S100A5: variants seen among roughly 807,000 people sequenced by gnomAD.
S100A5 encodes the protein S100 calcium binding protein A5.
Under a neutral mutation model 6.7 loss-of-function variants are expected in S100A5, and 5 were observed. The ratio of observed to expected loss-of-function variants is 0.75; its 90% CI spans 0.39 to 1.57. The LOEUF (loss-of-function observed/expected upper bound fraction) is 1.57. S100A5 is among the 40% of genes most tolerant of loss of function. The pLI is 0.03. For synonymous variants in S100A5, 49 were observed against 44.9 expected (o/e 1.09, Z -0.37); for missense variants, 129 against 110.8 (o/e 1.16, Z -0.74).
At chr1:153,537,539 C>G (rs1571231335) in intron 2 of S100A5, 103 bp from the exon 3 acceptor site, 1 of 1,407,388 alleles carries the variant, frequency 7.1e-7, no homozygotes, top group Non-Finnish European at 9.8e-7. Flanking sequence ...AGGGTGAGCC[C>G]CAGCTGAGTC....
At chr1:153,543,232 C>T (rs370897512), upstream of S100A5, 174 of 985,366 alleles carry the variant, frequency 1.8e-4, no homozygotes, top group Non-Finnish European at 2.0e-4. Context: ...CTTTTCCCTC[C>T]GACTTACTCC....
chr1:153,543,480 C>T (rs1665451706), upstream of S100A5: 2 of 400,878 alleles, frequency 5.0e-6, no homozygotes, highest in African/African-American at 2.0e-5. Flanking sequence ...CACTGTTAGT[C>T]ACCCTGCATC....
intron 2 of S100A5, among the ~76,000 whole-genome samples, chr1:153,537,932 A>G (rs1665238605): frequency 6.6e-6 from 1 of 152,124 alleles, no homozygotes; most frequent in Non-Finnish European, 1.5e-5. Flanking sequence ...CTGTAATCCC[A>G]GCTATTTGGA....
upstream of S100A5, among the ~76,000 whole-genome samples, chr1:153,543,059 A>G (rs139236337): frequency 6.6e-6 from 1 of 152,142 alleles, no homozygotes; most frequent in East Asian, 1.9e-4. Context: ...CCCTGATCCT[A>G]CCACGCACAG....
At chr1:153,541,677 T>C, upstream of S100A5, 1 of 1,139,634 alleles carries the variant, frequency 8.8e-7, no homozygotes, top group Non-Finnish European at 1.1e-6. Context: ...TGACCAAAAA[T>C]CAGAACTCAA....
At chr1:153,540,469 A>G (rs1665350545) in intron 1 of S100A5, among the ~76,000 whole-genome samples, 152 bp downstream of exon 1, 1 of 152,196 alleles carries the variant, frequency 6.6e-6, no homozygotes, top group Admixed American at 6.5e-5. Flanking sequence ...AGTAGGCCTG[A>G]GGCAGAAAGA....
chr1:153,538,340 A>G (rs1424318397), intron 2 of S100A5, among the ~76,000 whole-genome samples: 1 of 152,182 alleles, frequency 6.6e-6, no homozygotes, highest in Non-Finnish European at 1.5e-5. Flanking sequence ...GGAAGAAAAT[A>G]TAGACAAGCA....
upstream of S100A5, chr1:153,541,244 C>T (rs910007275): frequency 3.5e-6 from 2 of 566,936 alleles, no homozygotes; most frequent in Non-Finnish European, 6.3e-6. Flanking sequence ...ATTCCAAAGG[C>T]TCTGCCCTCT....
Position 153,537,341 on chromosome 1 carries a change from C to T in S100A5, c.234G>A (p.Met78Ile). The change falls in exon 3 of 3, where the codon ATG becomes ATA. Residue 78 changes from methionine (M) to isoleucine (I), a missense_variant. By Grantham distance (10) the Met-to-Ile change is conservative. Coordinates refer to ENST00000368717, the MANE Select transcript of S100A5 (RefSeq NM_001394232.1). ...AGAAGTCGTTGTAGGCCATGCACAG[C>T]ATGGTCAGGAACACCGAGTACTCCT... ...DFKEYSVFLT[M>I]LCMAYNDFFL... 6.2e-7 allele frequency: 1 copy of T among 1,614,170 alleles called. No individual in the cohort carries two copies. Among genetic ancestry groups the T allele is most frequent in the Non-Finnish European group, 8.5e-7 (1 of 1,180,028 alleles).
rs1326689779 is a variant in S100A5 at position 153,540,105 on chromosome 1, C to T, written c.87G>A (p.Leu29=). 8 of 1,614,048 alleles carry T rather than the reference C, an allele frequency of 5.0e-6. No homozygotes were observed. The highest frequency in any genetic ancestry group is 6.8e-6 in the Non-Finnish European group (8 of 1,180,042). The change falls in exon 2 of 3, where the codon CTG becomes CTA. Residue 29 remains leucine (L), a synonymous_variant. Transcript: ENST00000368717. ...TCAGCTCCTTGAGTTCCTTCCTACT[C>T]AGGGTCAGTTTGCTACCCTCTCTCC... ...YSGREGSKLT[L]SRKELKELIK...
At chr1:153,538,291 C>T (rs946818652) in intron 2 of S100A5, among the ~76,000 whole-genome samples, 1 of 152,144 alleles carries the variant, frequency 6.6e-6, no homozygotes, top group East Asian at 1.9e-4. Flanking sequence ...CAGCCTGGCT[C>T]CATTAGGACG....
At chr1:153,542,817 T>C (rs1665434236), upstream of S100A5, among the ~76,000 whole-genome samples, 2 of 152,150 alleles carry the variant, frequency 1.3e-5, no homozygotes, top group Non-Finnish European at 2.9e-5. Context: ...AGATCATATA[T>C]GTGGAATTTT....
At chr1:153,540,315 G>C in intron 1 of S100A5, 110 bp from the exon 2 acceptor site, 1 of 1,139,442 alleles carries the variant, frequency 8.8e-7, no homozygotes, top group East Asian at 2.4e-5. Context: ...CCCAGGATGA[G>C]ACTGAAATCC....
chr1:153,542,102 G>T (rs1665408723), upstream of S100A5, among the ~76,000 whole-genome samples: 1 of 152,206 alleles, frequency 6.6e-6, no homozygotes, highest in Admixed American at 6.5e-5. Flanking sequence ...GTTGTGGATT[G>T]GGGAGGGGGG....
chr1:153,539,982 T>A (rs1280249246), intron 2 of S100A5, 72 bp downstream of exon 2: 1 of 1,567,198 alleles, frequency 6.4e-7, no homozygotes, highest in Non-Finnish European at 8.7e-7. Flanking sequence ...TGGAGGATCC[T>A]GAGGGTAGGT....
chr1:153,540,049 C>T lies in S100A5; in HGVS notation c.138+5G>A, dbSNP rs778138440. On this transcript the variant is annotated splice_donor_5th_base_variant and intron_variant, in intron 2 of 2. Coordinates refer to ENST00000368717, the MANE Select transcript of S100A5 (RefSeq NM_001394232.1). ...GGGGTGGAGGATGAGGGAACAATCA[C>T]CTACCTCCCCAAGACACAGCTCTTT... 2 of 1,613,880 alleles carry T rather than the reference C, an allele frequency of 1.2e-6. No homozygotes were observed. Among genetic ancestry groups the T allele is most frequent in the Non-Finnish European group, 1.7e-6 (2 of 1,179,870 alleles).
upstream of S100A5, chr1:153,541,781 A>C: frequency 9.2e-7 from 1 of 1,081,812 alleles, no homozygotes; most frequent in South Asian, 2.4e-5. Context: ...ACAGGGCACC[A>C]TCTCCCCGTG....
At chr1:153,541,074 C>A (rs891432671), upstream of S100A5, among the ~76,000 whole-genome samples, 12 of 152,152 alleles carry the variant, frequency 7.9e-5, no homozygotes, top group African/African-American at 2.2e-4. Context: ...CATTCTTGAA[C>A]CAGACCCATC....
chr1:153,537,229 G>T lies in S100A5; in HGVS notation c.*67C>A. The T allele has an allele frequency of 6.4e-7, 1 of 1,565,880 alleles. No homozygotes were observed. The highest frequency in any genetic ancestry group is 1.7e-5 in the Admixed American group (1 of 58,262). On this transcript the variant is annotated 3_prime_UTR_variant, in exon 3 of 3. Coordinates refer to ENST00000368717, the MANE Select transcript of S100A5 (RefSeq NM_001394232.1). ...GAGAGGAGGGCAGGGGGCCAAAGAG[G>T]GTCTGTGAGAGGAGCAGCCGAGGTC...
Sources: allele counts gnomAD v4.1 joint callset (sites outside exome capture counted in the v4.1 genomes callset), GRCh38; gene constraint gnomAD v4.1.1; transcripts MANE v1.5; gene names NCBI Gene and HGNC (gene_info 2026-07-23, HGNC 2026-07-21).